Variants in HEPHL1 observed in about 807,000 individuals in gnomAD.
HEPHL1 encodes ferroxidase HEPHL1.
A neutral mutation model predicts 122.0 loss-of-function variants in HEPHL1; 123 were observed. That is an observed-to-expected ratio of 1.01 (90% CI 0.87 to 1.17). The LOEUF (loss-of-function observed/expected upper bound fraction) is 1.17, where lower values mean the gene tolerates loss of function less well. Among genes scored for constraint, HEPHL1 ranks in the 50% most tolerant of loss-of-function variants. The pLI is 0.00. For synonymous variants in HEPHL1, 527 were observed against 508.9 expected (o/e 1.04, Z -0.48); for missense variants, 1,452 against 1,430.5 (o/e 1.01, Z -0.24).
At chr11:94,083,677 C>T (rs1946192213) in intron 10 of HEPHL1, among the ~76,000 whole-genome samples, 1 of 152,166 alleles carries the variant, frequency 6.6e-6, no homozygotes, top group South Asian at 2.1e-4. Flanking sequence ...TACAAGTGCC[C>T]CATGGCAACC....
intron 12 of HEPHL1, among the ~76,000 whole-genome samples, chr11:94,092,027 A>G (rs1946266430): frequency 6.6e-6 from 1 of 152,172 alleles, no homozygotes; most frequent in Non-Finnish European, 1.5e-5. Flanking sequence ...AACGTTGTTA[A>G]ATGTATAGCT....
At position 94,021,484 on chromosome 11, in the gene HEPHL1, A is replaced by T. The variant is rs1945581237; in HGVS notation, c.116A>T (p.Asn39Ile). ...YYIGIVEEYW[N>I]YVPQGKNVIT... ...ATTGGGATTGTGGAAGAATACTGGA[A>T]CTATGTACCCCAAGGGAAGAATGTT... The change falls in exon 1 of 20, where the codon AAC becomes ATC. Residue 39 changes from asparagine to isoleucine, a missense_variant. Transcript: ENST00000315765. 2 of 1,613,408 alleles carry T rather than the reference A, an allele frequency of 1.2e-6. No individual in the cohort carries two copies. The highest frequency in any genetic ancestry group is 4.5e-5 in the East Asian group (2 of 44,872).
chr11:94,108,547 G>A (rs935785049), intron 17 of HEPHL1, among the ~76,000 whole-genome samples: 5 of 151,940 alleles, frequency 3.3e-5, no homozygotes, highest in Non-Finnish European at 7.4e-5. Flanking sequence ...TAGATTTAGG[G>A]CTCTGATACA....
chr11:94,075,099 G>A (rs1946108964), intron 8 of HEPHL1, 75 bp from the exon 9 acceptor site: 2 of 1,300,054 alleles, frequency 1.5e-6, no homozygotes, highest in Admixed American at 2.0e-5. Context: ...AGGCACCCAG[G>A]GCTGGAAGAC....
At position 94,055,893 on chromosome 11, in the gene HEPHL1, A is replaced by G. The variant is rs1945932427; in HGVS notation, c.416-7615A>G. On this transcript the variant is annotated intron_variant, in intron 2 of 19. Coordinates refer to ENST00000315765, the MANE Select transcript of HEPHL1 (RefSeq NM_001098672.2). The stretch of plus-strand genomic sequence containing the variant: ...TCTGTGCTCAGCATCCACATAATAT[A>G]AGGCAGAGCCTACCGTGCCTCCTGT... 4 of 760,732 alleles carry G rather than the reference A, an allele frequency of 5.3e-6. No individual in the cohort carries two copies. The South Asian group carries it at 6.0e-5, about 11-fold the overall frequency. The allele number at this position is 760,732 out of a possible 1,614,324, so 47.1% of individuals were successfully genotyped here.
chr11:94,042,883 A>AAAAAAAAAAAAAAAACAAAC (rs1555058775), intron 1 of HEPHL1, among the ~76,000 whole-genome samples: 1 of 132,398 alleles, frequency 7.6e-6, no homozygotes, highest in African/African-American at 2.8e-5. Flanking sequence ...AATAAAAAAA[A>AAAAAAAAAAAAAAAACAAAC]AAAAAAAAAA....
chr11:94,047,704 G>A (rs79194902), intron 2 of HEPHL1, among the ~76,000 whole-genome samples: 3,954 of 152,182 alleles, frequency 0.026, 77 homozygotes, highest in South Asian at 0.044. Flanking sequence ...TTCAAATATG[G>A]AGAAAATAGG....
At chr11:94,080,736 A>G (rs1946164162) in intron 9 of HEPHL1, among the ~76,000 whole-genome samples, 1 of 152,256 alleles carries the variant, frequency 6.6e-6, no homozygotes, top group Non-Finnish European at 1.5e-5. Flanking sequence ...GAAAACCACA[A>G]TGAGATACCA....
At position 94,064,523 on chromosome 11, in the gene HEPHL1, C is replaced by A. The variant is rs1398864344; in HGVS notation, c.808+13C>A. On this transcript the variant is annotated intron_variant, in intron 4 of 19. Transcript: ENST00000315765. ...AACAAAATGCATGGTGAGTACCTCC[C>A]ATGTTCCCAAACGTATACCAGGCCT... 1 of 1,595,458 alleles carries A rather than the reference C, an allele frequency of 6.3e-7. No individual in the cohort carries two copies. The highest frequency in any genetic ancestry group is 1.7e-5 in the Admixed American group (1 of 59,650).
At chr11:94,077,394 T>C (rs767824257) in intron 9 of HEPHL1, among the ~76,000 whole-genome samples, 8 of 152,166 alleles carry the variant, frequency 5.3e-5, no homozygotes, top group Non-Finnish European at 8.8e-5. Context: ...TTATTTTTAA[T>C]TTTTGTGGGT....
intron 13 of HEPHL1, among the ~76,000 whole-genome samples, chr11:94,098,892 G>C (rs1191574809): frequency 2.6e-5 from 4 of 152,096 alleles, no homozygotes; most frequent in Non-Finnish European, 4.4e-5. Flanking sequence ...CTCTACACTG[G>C]TTATTCTAGT....
intron 1 of HEPHL1, among the ~76,000 whole-genome samples, chr11:94,044,092 A>G (rs568360459): frequency 6.6e-6 from 1 of 151,828 alleles, no homozygotes; most frequent in Non-Finnish European, 1.5e-5. Flanking sequence ...GTATTTATGG[A>G]GCTGGAGCTA....
intron 1 of HEPHL1, among the ~76,000 whole-genome samples, chr11:94,026,688 C>G (rs1473031575): frequency 6.6e-6 from 1 of 152,188 alleles, no homozygotes; most frequent in Non-Finnish European, 1.5e-5. Context: ...AATCTTCTGT[C>G]TCTGGGAGGG....
At chr11:94,066,160 C>A (rs1048691397) in intron 4 of HEPHL1, among the ~76,000 whole-genome samples, 3 of 152,204 alleles carry the variant, frequency 2.0e-5, no homozygotes, top group African/African-American at 7.2e-5. Flanking sequence ...TGCCACTGCA[C>A]CCCAGCCTGG....
At chr11:94,068,832 G>C (rs1017448413) in intron 5 of HEPHL1, among the ~76,000 whole-genome samples, 7 of 152,142 alleles carry the variant, frequency 4.6e-5, no homozygotes, top group African/African-American at 1.7e-4. Flanking sequence ...TAATGGAATA[G>C]ACACAGAAGA....
At chr11:94,042,883 A>AAAAAAACAAAC (rs1555058780) in intron 1 of HEPHL1, among the ~76,000 whole-genome samples, 3 of 132,414 alleles carry the variant, frequency 2.3e-5, no homozygotes, top group African/African-American at 8.4e-5. Flanking sequence ...AATAAAAAAA[A>AAAAAAACAAAC]AAAAAAAAAA....
rs978152953 is a variant in HEPHL1 at position 94,111,132 on chromosome 11, G to T, written c.3208+67G>T. The stretch of plus-strand genomic sequence containing the variant: ...TTCCTGTAGACCCCCAAAACAGGAG[G>T]CATGACAAAAACCCAGATATAGCCC... On this transcript the variant is annotated intron_variant, in intron 18 of 19. Coordinates refer to ENST00000315765, the MANE Select transcript of HEPHL1 (RefSeq NM_001098672.2). 32 of 1,407,692 alleles carry T rather than the reference G, an allele frequency of 2.3e-5. No individual in the cohort carries two copies. The South Asian group carries it at 2.4e-4, about 10-fold the overall frequency. 87.2% of individuals were successfully genotyped at this position (1,407,692 alleles called of 1,614,324 possible). A position where few individuals can be genotyped will look rare whatever the true frequency, so the allele number is the denominator to read the frequency against.
chr11:94,104,759 A>C lies in HEPHL1; in HGVS notation c.2905+9A>C, dbSNP rs916645485. On this transcript the variant is annotated intron_variant, in intron 16 of 19. Coordinates refer to ENST00000315765, the MANE Select transcript of HEPHL1 (RefSeq NM_001098672.2). ...AAGCAACAGAATGCATGGTATATCC[A>C]AAGTTTAAAAAGAAGCCTATGTTGA... 3 of 1,587,048 alleles carry C rather than the reference A, an allele frequency of 1.9e-6. No individual in the cohort carries two copies. The highest frequency in any genetic ancestry group is 2.7e-5 in the African/African-American group (2 of 73,976).
intron 1 of HEPHL1, among the ~76,000 whole-genome samples, chr11:94,026,856 A>G (rs72966637): frequency 0.15 from 22,467 of 152,252 alleles, 1,808 homozygotes; most frequent in African/African-American, 0.18. Flanking sequence ...AAGTAATTCA[A>G]TCTCTCTTTG....
Sources: allele counts gnomAD v4.1 joint callset (sites outside exome capture counted in the v4.1 genomes callset), GRCh38; gene constraint gnomAD v4.1.1; transcripts MANE v1.5; gene names NCBI Gene and HGNC (gene_info 2026-07-23, HGNC 2026-07-21).